ARHGAP15: variants seen among roughly 807,000 people sequenced by gnomAD.
The protein encoded by ARHGAP15 is rho GTPase-activating protein 15.
In ARHGAP15, 51 loss-of-function variants were observed where a neutral mutation model predicts 63.7. The ratio of observed to expected loss-of-function variants is 0.80; its 90% CI spans 0.64 to 1.01. The LOEUF (loss-of-function observed/expected upper bound fraction) is 1.01, where lower values mean the gene tolerates loss of function less well. Ranked by LOEUF, ARHGAP15 falls within the 50% of genes least tolerant of loss-of-function variation. The pLI is 0.00. For synonymous variants in ARHGAP15, 191 were observed against 193.8 expected, an observed-to-expected ratio of 0.99 and a Z score of 0.12; for missense variants, 560 against 564.6, an observed-to-expected ratio of 0.99 and a Z score of 0.08.
At chr2:143,319,685 T>G (rs1346208523) in intron 6 of ARHGAP15, among the ~76,000 whole-genome samples, 1 of 152,230 alleles carries the variant, frequency 6.6e-6, no homozygotes, top group Admixed American at 6.5e-5. Flanking sequence ...TATTTTCATC[T>G]CTTTGCCCAT....
chr2:143,752,058 A>G (rs950920185), intron 13 of ARHGAP15, among the ~76,000 whole-genome samples: 5 of 152,140 alleles, frequency 3.3e-5, no homozygotes, highest in African/African-American at 9.7e-5. Context: ...AGAGGATGCT[A>G]TGTTCTAGCG....
intron 13 of ARHGAP15, among the ~76,000 whole-genome samples, chr2:143,704,934 C>T (rs1684258234): frequency 6.6e-6 from 1 of 152,170 alleles, no homozygotes. Flanking sequence ...CACTCTTAGC[C>T]TGCTGAACAG....
chr2:143,660,670 A>T (rs747115487), intron 12 of ARHGAP15, among the ~76,000 whole-genome samples: 15 of 152,242 alleles, frequency 9.9e-5, no homozygotes, highest in Non-Finnish European at 1.5e-4. Flanking sequence ...GAGTACCAGT[A>T]TGATAAATTG....
rs138860925 is a variant in ARHGAP15, at chr2:143,578,587, T to C, written c.1003+22102T>C. On this transcript the variant is annotated intron_variant, in intron 11 of 13. Coordinates refer to ENST00000295095, the MANE Select transcript of ARHGAP15 (RefSeq NM_018460.4). ...TTAAAAAAGGTGGGGGGGTAGTTTT[T>C]TGGTTGATAATTTTGGTCATTTTTA... Among the ~76,000 whole-genome samples the C allele has an allele frequency of 5.8e-3, 886 of 152,260 alleles. 2 individuals are homozygous for C. Among genetic ancestry groups the C allele is most frequent in the Middle Eastern group, 0.031 (9 of 294 alleles).
At chr2:143,540,818 T>A (rs1695013757) in intron 10 of ARHGAP15, among the ~76,000 whole-genome samples, 2 of 152,330 alleles carry the variant, frequency 1.3e-5, no homozygotes, top group South Asian at 4.1e-4. Context: ...CATTTTTTCC[T>A]TCATTTCAAC....
intron 6 of ARHGAP15, among the ~76,000 whole-genome samples, chr2:143,282,571 C>T (rs1037471307): frequency 1.3e-5 from 2 of 152,032 alleles, no homozygotes; most frequent in Non-Finnish European, 2.9e-5. Context: ...GATTCAATTA[C>T]CTCTCACTGT....
chr2:143,470,913 C>T lies in ARHGAP15; in HGVS notation c.704-16460C>T, dbSNP rs189191301. ...ATATTTATGTGTGTATATATATACA[C>T]GTATGTGTATATGTGTATATATGTG... is the stretch of plus-strand genomic sequence containing the variant. On this transcript the variant is annotated intron_variant, in intron 8 of 13. Transcript: ENST00000295095. Among the ~76,000 whole-genome samples, 442 of 147,344 alleles carry T rather than the reference C, an allele frequency of 3.0e-3. 1 individual carries two copies. Among genetic ancestry groups the T allele is most frequent in the Non-Finnish European group, 4.6e-3 (309 of 66,792 alleles).
chr2:143,533,699 G>C (rs1694621253), intron 10 of ARHGAP15, among the ~76,000 whole-genome samples: 1 of 152,084 alleles, frequency 6.6e-6, no homozygotes, highest in Admixed American at 6.5e-5. Flanking sequence ...TCCAAGCTTG[G>C]TACCCTCCTC....
chr2:143,246,190 G>T (rs868022487), intron 5 of ARHGAP15, among the ~76,000 whole-genome samples: 1 of 151,844 alleles, frequency 6.6e-6, no homozygotes, highest in Non-Finnish European at 1.5e-5. Flanking sequence ...GCACTTGGCC[G>T]CTCTCTGCTT....
At chr2:143,379,495 G>GTGTGTGT (rs1430011838) in intron 6 of ARHGAP15, among the ~76,000 whole-genome samples, 5 of 140,808 alleles carry the variant, frequency 3.6e-5, no homozygotes, top group African/African-American at 1.1e-4. Flanking sequence ...ATATGTGTGT[G>GTGTGTGT]TGTGTGTGTG....
intron 9 of ARHGAP15, among the ~76,000 whole-genome samples, chr2:143,507,282 G>C (rs912080051): frequency 1.5e-4 from 23 of 152,132 alleles, no homozygotes; most frequent in African/African-American, 5.3e-4. Context: ...TGGATTATGA[G>C]CTGTATCTAG....
chr2:143,548,590 C>T (rs572981811), intron 10 of ARHGAP15, among the ~76,000 whole-genome samples: 65 of 151,908 alleles, frequency 4.3e-4, no homozygotes, highest in African/African-American at 1.5e-3. Flanking sequence ...ATATTTATCT[C>T]TTCCATGTCT....
At chr2:143,149,942 A>G (rs1040980911) in intron 1 of ARHGAP15, among the ~76,000 whole-genome samples, 36 of 152,048 alleles carry the variant, frequency 2.4e-4, no homozygotes, top group Admixed American at 2.2e-3. Flanking sequence ...TGGCTACACT[A>G]TGATCATTTT....
chr2:143,535,045 T>C (rs1220041374), intron 10 of ARHGAP15, among the ~76,000 whole-genome samples: 1 of 152,182 alleles, frequency 6.6e-6, no homozygotes, highest in Non-Finnish European at 1.5e-5. Flanking sequence ...AAAATTACTA[T>C]AAGAATAAAT....
chr2:143,175,148 T>C (rs972010233), intron 2 of ARHGAP15, among the ~76,000 whole-genome samples: 29 of 152,214 alleles, frequency 1.9e-4, no homozygotes, highest in African/African-American at 6.7e-4. Flanking sequence ...GCCTGAGTTT[T>C]TATGGGTCAT....
intron 6 of ARHGAP15, among the ~76,000 whole-genome samples, chr2:143,356,397 A>C (rs1320025950): frequency 6.6e-6 from 1 of 152,132 alleles, no homozygotes; most frequent in Non-Finnish European, 1.5e-5. Context: ...TTGCAACATG[A>C]AGGCACCACC....
At chr2:143,266,927 A>G (rs976999174) in intron 6 of ARHGAP15, among the ~76,000 whole-genome samples, 3 of 152,184 alleles carry the variant, frequency 2.0e-5, no homozygotes, top group Non-Finnish European at 4.4e-5. Flanking sequence ...TCTGTTGTTC[A>G]GTTCCATACT....
chr2:143,352,844 C>T (rs1032786613), intron 6 of ARHGAP15, among the ~76,000 whole-genome samples: 1 of 152,136 alleles, frequency 6.6e-6, no homozygotes, highest in African/African-American at 2.4e-5. Context: ...TCTTCCACAT[C>T]CTTTGCGAAT....
intron 12 of ARHGAP15, among the ~76,000 whole-genome samples, chr2:143,638,699 A>AG (rs1680462346): frequency 6.6e-6 from 1 of 150,396 alleles, no homozygotes; most frequent in Non-Finnish European, 1.5e-5. Flanking sequence ...AAAAAAAAAA[A>AG]AAACTCAGAG....
Sources: allele counts gnomAD v4.1 joint callset (sites outside exome capture counted in the v4.1 genomes callset), GRCh38; gene constraint gnomAD v4.1.1; transcripts MANE v1.5; gene names NCBI Gene and HGNC (gene_info 2026-07-23, HGNC 2026-07-21).